Variants in MARCHF1 observed in about 807,000 individuals in gnomAD.
The protein encoded by MARCHF1 is E3 ubiquitin-protein ligase MARCHF1.
A neutral mutation model predicts 54.2 loss-of-function variants in MARCHF1; 40 were observed. The observed-to-expected ratio is 0.74, with a 90% CI of 0.57 to 0.96. The LOEUF (loss-of-function observed/expected upper bound fraction) is 0.96, where lower values mean the gene tolerates loss of function less well. Ranked by LOEUF, MARCHF1 falls within the 40% of genes least tolerant of loss-of-function variation. MARCHF1 has a pLI of 0.00. For missense variants in MARCHF1, 586 were observed against 656.5 expected (o/e 0.89, Z 1.17); for synonymous variants, 236 against 236.3 (o/e 1.00, Z 0.01).
At chr4:163,945,886 G>A (rs1003238478) in intron 3 of MARCHF1, among the ~76,000 whole-genome samples, 20 of 152,040 alleles carry the variant, frequency 1.3e-4, no homozygotes, top group African/African-American at 4.8e-5. Flanking sequence ...AGCCTGAACC[G>A]AGTCACCCTT....
intron 2 of MARCHF1, among the ~76,000 whole-genome samples, chr4:164,068,656 C>A (rs539963456): frequency 6.6e-6 from 1 of 152,150 alleles, no homozygotes; most frequent in African/African-American, 2.4e-5. Flanking sequence ...TGGGCTCATG[C>A]GCAGACTGAG....
intron 4 of MARCHF1, among the ~76,000 whole-genome samples, chr4:163,729,649 GT>G (rs977570667): frequency 1.3e-5 from 2 of 152,038 alleles, no homozygotes; most frequent in African/African-American, 4.8e-5. Context: ...GCATAGAGTT[GT>G]TTATAACATT....
At chr4:163,857,361 C>T (rs1186983851) in intron 3 of MARCHF1, among the ~76,000 whole-genome samples, 1 of 152,140 alleles carries the variant, frequency 6.6e-6, no homozygotes, top group East Asian at 1.9e-4. Context: ...TCTTCCTACA[C>T]AGGTCTGGAG....
chr4:163,733,070 T>C (rs575645580), intron 4 of MARCHF1, among the ~76,000 whole-genome samples: 27 of 149,076 alleles, frequency 1.8e-4, no homozygotes, highest in African/African-American at 6.4e-4. Context: ...GAGAATCACT[T>C]GAACCTGGGA....
At chr4:163,804,166 T>C (rs185208852) in intron 4 of MARCHF1, among the ~76,000 whole-genome samples, 1 of 152,190 alleles carries the variant, frequency 6.6e-6, no homozygotes, top group Non-Finnish European at 1.5e-5. Context: ...CACTTGCTAA[T>C]AAAACCATAT....
chr4:164,282,116 A>G (rs1734040642), intron 1 of MARCHF1, among the ~76,000 whole-genome samples: 1 of 150,634 alleles, frequency 6.6e-6, no homozygotes. Context: ...ACTGAATCCC[A>G]TTTACATGGA....
At chr4:164,200,790 T>C (rs1731430347) in intron 1 of MARCHF1, among the ~76,000 whole-genome samples, 1 of 152,074 alleles carries the variant, frequency 6.6e-6, no homozygotes, top group Non-Finnish European at 1.5e-5. Context: ...TGCTAGGAAG[T>C]GAAGAAAACA....
intron 3 of MARCHF1, among the ~76,000 whole-genome samples, chr4:163,957,550 A>G (rs953641888): frequency 1.3e-5 from 2 of 152,058 alleles, no homozygotes; most frequent in Non-Finnish European, 2.9e-5. Context: ...GGGAAGTGAG[A>G]TATCAAATTG....
chr4:164,181,818 AT>A (rs1177679524), intron 1 of MARCHF1, among the ~76,000 whole-genome samples: 2 of 152,238 alleles, frequency 1.3e-5, no homozygotes, highest in South Asian at 2.1e-4. Context: ...AACTACTGTT[AT>A]TTTTAAATTT....
chr4:164,066,514 T>G (rs1223858119), intron 2 of MARCHF1, among the ~76,000 whole-genome samples: 1 of 152,174 alleles, frequency 6.6e-6, no homozygotes, highest in African/African-American at 2.4e-5. Flanking sequence ...ATCTAATTAC[T>G]GGGTATATAC....
intron 1 of MARCHF1, among the ~76,000 whole-genome samples, chr4:164,192,368 T>G (rs1037026408): frequency 6.6e-6 from 1 of 152,194 alleles, no homozygotes; most frequent in Admixed American, 6.5e-5. Flanking sequence ...AGCCACAAAC[T>G]GATTAATTAT....
At chr4:163,647,245 A>C (rs1742796062) in intron 5 of MARCHF1, among the ~76,000 whole-genome samples, 1 of 152,078 alleles carries the variant, frequency 6.6e-6, no homozygotes, top group East Asian at 1.9e-4. Context: ...CACAGTATTG[A>C]AGCACCTAAA....
At chr4:164,315,154 C>A (rs867638063) in intron 1 of MARCHF1, among the ~76,000 whole-genome samples, 63 of 139,720 alleles carry the variant, frequency 4.5e-4, no homozygotes, top group African/African-American at 1.5e-3. Context: ...CTTCGGATCT[C>A]ATTAAAACCA....
At chr4:164,273,811 T>A (rs540710529) in intron 1 of MARCHF1, among the ~76,000 whole-genome samples, 2 of 152,290 alleles carry the variant, frequency 1.3e-5, no homozygotes, top group African/African-American at 4.8e-5. Flanking sequence ...ATCAGACAAT[T>A]TCTGAAGATG....
chr4:164,188,912 GC>G (rs1731049959), intron 1 of MARCHF1: 1 of 769,086 alleles, frequency 1.3e-6, no homozygotes, highest in African/African-American at 1.7e-5. Context: ...TTTCAATGAT[GC>G]CCAATGCGAA....
chr4:163,840,098 CTAAT>C (rs1293012239), intron 4 of MARCHF1, among the ~76,000 whole-genome samples: 2 of 152,090 alleles, frequency 1.3e-5, no homozygotes, highest in African/African-American at 2.4e-5. Flanking sequence ...ATTTGACAAT[CTAAT>C]TATCATTTGG....
At chr4:164,205,164 A>G (rs1731570906) in intron 1 of MARCHF1, among the ~76,000 whole-genome samples, 1 of 152,186 alleles carries the variant, frequency 6.6e-6, no homozygotes, top group Non-Finnish European at 1.5e-5. Context: ...GATACCTAAG[A>G]ATTCATTTCA....
intron 1 of MARCHF1, among the ~76,000 whole-genome samples, chr4:164,119,263 T>A (rs1215131936): frequency 6.6e-6 from 1 of 151,518 alleles, no homozygotes. Flanking sequence ...AATTCTAGAT[T>A]TGAAGGGATA....
At chr4:163,571,753 TTTTG>T (rs983523307) in intron 8 of MARCHF1, among the ~76,000 whole-genome samples, 13 of 152,088 alleles carry the variant, frequency 8.5e-5, no homozygotes, top group Admixed American at 2.6e-4. Context: ...CACTGGGGTT[TTTTG>T]TTTGTTTGTT....
Sources: allele counts gnomAD v4.1 joint callset (sites outside exome capture counted in the v4.1 genomes callset), GRCh38; gene constraint gnomAD v4.1.1; transcripts MANE v1.5; gene names NCBI Gene and HGNC (gene_info 2026-07-23, HGNC 2026-07-21).